Variants in AIG1 observed in about 807,000 individuals in gnomAD.
AIG1 encodes the protein androgen induced 1.
In AIG1, 23 loss-of-function variants were observed where a neutral mutation model predicts 31.4. The observed-to-expected ratio is 0.73, with a 90% CI of 0.53 to 1.04. AIG1 has a LOEUF of 1.04. Among genes scored for constraint, AIG1 ranks in the 50% least tolerant of loss-of-function variants. The pLI, the probability that AIG1 is intolerant of heterozygous loss-of-function variation, is 0.00. For synonymous variants in AIG1, 100 were observed against 110.5 expected (o/e 0.90, Z 0.60); for missense variants, 274 against 295.0 (o/e 0.93, Z 0.52).
intron 3 of AIG1, among the ~76,000 whole-genome samples, chr6:143,265,941 A>G (rs1486073777): frequency 6.6e-6 from 1 of 152,204 alleles, no homozygotes; most frequent in Non-Finnish European, 1.5e-5. Context: ...TCTAGCCCCT[A>G]CCATGCCACA....
At chr6:143,160,215 C>T (rs546697477) in intron 2 of AIG1, among the ~76,000 whole-genome samples, 1 of 152,292 alleles carries the variant, frequency 6.6e-6, no homozygotes, top group Non-Finnish European at 1.5e-5. Flanking sequence ...TAGCCTTCTT[C>T]ATGGCGAATT....
intron 1 of AIG1, among the ~76,000 whole-genome samples, chr6:143,124,765 G>A (rs1782549531): frequency 6.6e-6 from 1 of 152,154 alleles, no homozygotes; most frequent in Non-Finnish European, 1.5e-5. Context: ...CAGGACAGGA[G>A]TGGGTGCAAG....
At chr6:143,082,640 G>T (rs1778372717) in intron 1 of AIG1, among the ~76,000 whole-genome samples, 1 of 152,136 alleles carries the variant, frequency 6.6e-6, no homozygotes, top group South Asian at 2.1e-4. Flanking sequence ...GACTGCTATT[G>T]CTGCCACTAC....
intron 3 of AIG1, among the ~76,000 whole-genome samples, chr6:143,171,515 A>AT (rs1562454605): frequency 1.2e-4 from 15 of 128,636 alleles, no homozygotes; most frequent in African/African-American, 3.2e-4. Flanking sequence ...TAATATATAT[A>AT]ATATATATAT....
Position 143,326,915 on chromosome 6 carries a change from T to C in AIG1, c.516-6367T>C, listed in dbSNP as rs78908498. 4.6e-5 allele frequency among the ~76,000 whole-genome samples: 7 copies of C among 152,092 alleles called. No individual in the cohort carries two copies. Among genetic ancestry groups the C allele is most frequent in the African/African-American group, 1.7e-4 (7 of 41,418 alleles). Reference sequence around the variant, plus strand: ...TATGGGATGGGGCCAAAGAGACCGATAGAAGCCACTCTATGAAGAGCACTC... The same window carrying C: ...TATGGGATGGGGCCAAAGAGACCGACAGAAGCCACTCTATGAAGAGCACTC... On this transcript the variant is annotated intron_variant, in intron 4 of 5. Coordinates refer to ENST00000357847, the MANE Select transcript of AIG1 (RefSeq NM_016108.4). This position sits in a 1 kb window ranked among gnomAD's most constrained non-coding sequence, Gnocchi z 4.5.
At chr6:143,253,611 G>T (rs1383345188) in intron 3 of AIG1, among the ~76,000 whole-genome samples, 1 of 152,224 alleles carries the variant, frequency 6.6e-6, no homozygotes, top group Non-Finnish European at 1.5e-5. Context: ...ATCATGAGCT[G>T]ATGGTCACCA....
At chr6:143,196,260 G>A (rs931337355) in intron 3 of AIG1, among the ~76,000 whole-genome samples, 1 of 151,842 alleles carries the variant, frequency 6.6e-6, no homozygotes, top group Non-Finnish European at 1.5e-5. Context: ...TACTTGTTTT[G>A]CACATTTCTG....
chr6:143,301,443 G>A (rs1207732118), intron 4 of AIG1, among the ~76,000 whole-genome samples: 2 of 152,190 alleles, frequency 1.3e-5, no homozygotes, highest in African/African-American at 2.4e-5. Context: ...CAGCTTACAC[G>A]TGGTGTTGGG....
chr6:143,191,839 C>A (rs2128597923), intron 3 of AIG1, among the ~76,000 whole-genome samples: 1 of 152,174 alleles, frequency 6.6e-6, no homozygotes, highest in South Asian at 2.1e-4. Flanking sequence ...TTCAGACAAC[C>A]CTGAGGTGCA....
chr6:143,166,385 G>A (rs1003559339), intron 3 of AIG1, among the ~76,000 whole-genome samples: 7 of 152,080 alleles, frequency 4.6e-5, no homozygotes, highest in African/African-American at 7.2e-5. Flanking sequence ...AAAGCATGTC[G>A]TAACTCCATG....
intron 3 of AIG1, 22 bp downstream of exon 3, chr6:143,165,205 G>T (rs549776028): frequency 6.4e-7 from 1 of 1,556,246 alleles, no homozygotes; most frequent in East Asian, 2.2e-5. Flanking sequence ...AAAACAAACG[G>T]CTTTCTTTTA....
At chr6:143,136,810 CA>C in intron 1 of AIG1, 24 bp from the exon 2 acceptor site, 8 of 1,349,270 alleles carry the variant, frequency 5.9e-6, no homozygotes, top group Non-Finnish European at 7.7e-6. Flanking sequence ...CTTAATGACT[CA>C]TACCGGCTGT....
At chr6:143,160,906 A>G (rs968327242) in intron 2 of AIG1, among the ~76,000 whole-genome samples, 1 of 152,222 alleles carries the variant, frequency 6.6e-6, no homozygotes, top group South Asian at 2.1e-4. Context: ...AATAACCCAT[A>G]TAATTCCCTC....
rs1041198488 is a variant in AIG1 at position 143,298,585 on chromosome 6, A to G, written c.515+14360A>G. On this transcript the variant is annotated intron_variant, in intron 4 of 5. Transcript: ENST00000357847. This position sits in a 1 kb window ranked among gnomAD's most constrained non-coding sequence, Gnocchi z 5.1. ...GCTCATGTCTGTAACCCTAGTCAGG[A>G]GGCTCACCTAGGCCCAGGAGTTCAA... 6.6e-6 allele frequency among the ~76,000 whole-genome samples: 1 copy of G among 152,170 alleles called. No individual in the cohort carries two copies. The highest frequency in any genetic ancestry group is 2.4e-5 in the African/African-American group (1 of 41,432).
intron 1 of AIG1, among the ~76,000 whole-genome samples, chr6:143,086,350 T>A (rs673360): frequency 6.6e-6 from 1 of 152,046 alleles, no homozygotes; most frequent in African/African-American, 2.4e-5. Flanking sequence ...ACTACTTCTA[T>A]CTCTCTTTTT....
intron 1 of AIG1, among the ~76,000 whole-genome samples, chr6:143,083,035 T>G (rs757075415): frequency 1.2e-4 from 19 of 152,246 alleles, no homozygotes; most frequent in Non-Finnish European, 2.2e-4. Flanking sequence ...CAAGGAACAT[T>G]CTTAATTGCT....
chr6:143,174,139 T>A (rs943269802), intron 3 of AIG1, among the ~76,000 whole-genome samples: 2 of 152,206 alleles, frequency 1.3e-5, no homozygotes, highest in Admixed American at 6.5e-5. Flanking sequence ...CGTTATATAA[T>A]TTCCCTCTTT....
At position 143,328,192 on chromosome 6, in the gene AIG1, G is replaced by A. The variant is rs1413775411; in HGVS notation, c.516-5090G>A. On this transcript the variant is annotated intron_variant, in intron 4 of 5. Coordinates refer to ENST00000357847, the MANE Select transcript of AIG1 (RefSeq NM_016108.4). This position sits in a 1 kb window ranked among gnomAD's most constrained non-coding sequence, Gnocchi z 4.0. The stretch of plus-strand genomic sequence containing the variant: ...TCAAAGAAACCAGTATCTTTTGGTC[G>A]AATAGCAAGAAGAGATGCCAGACTG... 2.0e-5 allele frequency among the ~76,000 whole-genome samples: 3 copies of A among 152,136 alleles called. No individual in the cohort carries two copies. The highest frequency in any genetic ancestry group is 2.9e-5 in the Non-Finnish European group (2 of 68,020).
Position 143,311,997 on chromosome 6 carries a change from T to A in AIG1, c.516-21285T>A, listed in dbSNP as rs569171655. On this transcript the variant is annotated intron_variant, in intron 4 of 5. Coordinates refer to ENST00000357847, the MANE Select transcript of AIG1 (RefSeq NM_016108.4). Reference sequence around the variant, plus strand: ...AAAATTAAATAACTAGTAATCAACTTAACAAAGACGTGAAAGAGCTCTACA... The same window carrying A: ...AAAATTAAATAACTAGTAATCAACTAAACAAAGACGTGAAAGAGCTCTACA... 3.9e-5 allele frequency among the ~76,000 whole-genome samples: 6 copies of A among 152,016 alleles called. No homozygotes were observed. In the East Asian group the frequency reaches 1.2e-3, roughly 29 times the overall value.
Sources: allele counts gnomAD v4.1 joint callset (sites outside exome capture counted in the v4.1 genomes callset), GRCh38; gene constraint gnomAD v4.1.1; non-coding constraint Gnocchi (gnomAD v3.1); transcripts MANE v1.5; gene names NCBI Gene and HGNC (gene_info 2026-07-23, HGNC 2026-07-21).